Variants in TAFA5 observed in about 807,000 individuals in gnomAD.
The protein encoded by TAFA5 is TAFA chemokine like family member 5.
In TAFA5, 6 loss-of-function variants were observed where a neutral mutation model predicts 15.3. That is an observed-to-expected ratio of 0.39 (90% CI 0.21 to 0.77). The LOEUF is 0.77. TAFA5 is among the 30% of genes least tolerant of loss of function. The pLI, the probability that TAFA5 is intolerant of heterozygous loss-of-function variation, is 0.41. For synonymous variants in TAFA5, 103 were observed against 80.7 expected, an observed-to-expected ratio of 1.28 and a Z score of -1.48; for missense variants, 161 against 193.1, an observed-to-expected ratio of 0.83 and a Z score of 0.98.
Position 48,707,605 on chromosome 22 carries a change from C to T in TAFA5, c.263-112C>T, listed in dbSNP as rs543040513. On this transcript the variant is annotated intron_variant, in intron 2 of 3. Transcript: ENST00000402357. ...TGAGGGTCCCTGGGTGGAGCCACGCCGGGCATTGCCTGAGGGCCCCCCCAG... is the reference window on the plus strand; with the variant it reads ...TGAGGGTCCCTGGGTGGAGCCACGCTGGGCATTGCCTGAGGGCCCCCCCAG... The T allele has an allele frequency of 1.5e-5, 20 of 1,326,836 alleles. No homozygotes were observed. In the East Asian group the frequency reaches 2.7e-4, roughly 18 times the overall value. 82.2% of individuals were successfully genotyped at this position (1,326,836 alleles called of 1,614,324 possible). A position where few individuals can be genotyped will look rare whatever the true frequency, so the allele number is the denominator to read the frequency against.
intron 1 of TAFA5, among the ~76,000 whole-genome samples, chr22:48,555,275 G>A (rs531844611): frequency 8.9e-4 from 135 of 152,314 alleles, no homozygotes; most frequent in South Asian, 4.8e-3. Context: ...CTTCCTAAGC[G>A]GCACGACCGG....
chr22:48,545,433 T>C (rs937964321), intron 1 of TAFA5: 2 of 182,156 alleles, frequency 1.1e-5, no homozygotes, highest in Admixed American at 5.3e-5. Flanking sequence ...TATCTCCTAA[T>C]GCCTAGTGGA....
intron 2 of TAFA5, among the ~76,000 whole-genome samples, chr22:48,692,129 G>A (rs1185250304): frequency 2.6e-5 from 4 of 152,102 alleles, no homozygotes; most frequent in South Asian, 4.1e-4. Context: ...GGAAGACACC[G>A]AGACCTGAGC....
intron 1 of TAFA5, among the ~76,000 whole-genome samples, chr22:48,507,769 G>A (rs71314861): frequency 6.6e-6 from 1 of 152,152 alleles, no homozygotes; most frequent in South Asian, 2.1e-4. Flanking sequence ...TGTGAGGGTG[G>A]CCGTGTGAGG....
chr22:48,524,593 G>A (rs532665973), intron 1 of TAFA5, among the ~76,000 whole-genome samples: 20 of 152,304 alleles, frequency 1.3e-4, no homozygotes, highest in Admixed American at 3.9e-4. Context: ...TGGAGCCTCC[G>A]TCCACAGCCC....
At chr22:48,577,204 A>T (rs1048665468) in intron 1 of TAFA5, among the ~76,000 whole-genome samples, 3 of 152,224 alleles carry the variant, frequency 2.0e-5, no homozygotes, top group African/African-American at 7.2e-5. Flanking sequence ...TGAGGCGCCC[A>T]GGATAACGGT....
At chr22:48,666,074 G>A (rs1002817497) in intron 2 of TAFA5, among the ~76,000 whole-genome samples, 1 of 152,194 alleles carries the variant, frequency 6.6e-6, no homozygotes, top group African/African-American at 2.4e-5. Flanking sequence ...TCTTTCTAAT[G>A]GCCTGACTGG....
At chr22:48,506,723 C>T (rs1043190984) in intron 1 of TAFA5, among the ~76,000 whole-genome samples, 3 of 152,212 alleles carry the variant, frequency 2.0e-5, no homozygotes, top group Admixed American at 6.5e-5. Flanking sequence ...GGGCACACGG[C>T]AAATGGACCA....
At chr22:48,540,703 A>T (rs1922337581) in intron 1 of TAFA5, among the ~76,000 whole-genome samples, 3 of 151,398 alleles carry the variant, frequency 2.0e-5, no homozygotes, top group African/African-American at 7.3e-5. Context: ...TAATCTTATA[A>T]TTTGCCAATT....
intron 3 of TAFA5, among the ~76,000 whole-genome samples, chr22:48,723,366 G>C (rs1388482946): frequency 1.3e-5 from 2 of 152,138 alleles, no homozygotes; most frequent in Non-Finnish European, 2.9e-5. Flanking sequence ...TTAAACCCAA[G>C]ATATGGCGGG....
chr22:48,581,461 C>T (rs533463822), intron 1 of TAFA5, among the ~76,000 whole-genome samples: 19 of 152,198 alleles, frequency 1.2e-4, no homozygotes, highest in South Asian at 2.1e-4. Context: ...GCGAGAAAGC[C>T]GTGCGGAGAA....
rs1394616519 is a variant in TAFA5, at chr22:48,674,161, G to A, written c.262+27415G>A. 3.3e-5 allele frequency among the ~76,000 whole-genome samples: 5 copies of A among 152,316 alleles called. No homozygotes were observed. In the East Asian group the frequency reaches 9.7e-4, roughly 29 times the overall value. ...CTTCCTCCTGCTTGGGCCGGGCGGT[G>A]CAGATGTAGGTCCCGGTTTCATCTT... On this transcript the variant is annotated intron_variant, in intron 2 of 3. Coordinates refer to ENST00000402357, the MANE Select transcript of TAFA5 (RefSeq NM_001082967.3).
intron 1 of TAFA5, among the ~76,000 whole-genome samples, chr22:48,562,785 C>A (rs1569026735): frequency 6.6e-6 from 1 of 152,174 alleles, no homozygotes; most frequent in East Asian, 1.9e-4. Flanking sequence ...GAGCCCCTGA[C>A]ACGGCTTCTC....
At chr22:48,514,902 C>A (rs1451071004) in intron 1 of TAFA5, among the ~76,000 whole-genome samples, 1 of 152,238 alleles carries the variant, frequency 6.6e-6, no homozygotes, top group Non-Finnish European at 1.5e-5. Flanking sequence ...ATCTCCAAAC[C>A]ATACAGGGTA....
intron 1 of TAFA5, among the ~76,000 whole-genome samples, chr22:48,624,875 G>A (rs192265503): frequency 1.6e-4 from 25 of 152,248 alleles, no homozygotes; most frequent in Admixed American, 1.4e-3. Flanking sequence ...AGAGGTGGGC[G>A]GATCACCTGA....
At chr22:48,633,439 A>AG (rs1388389169) in intron 1 of TAFA5, among the ~76,000 whole-genome samples, 1 of 151,874 alleles carries the variant, frequency 6.6e-6, no homozygotes, top group Non-Finnish European at 1.5e-5. Context: ...ACCCACGTGC[A>AG]GGGGCTCTTC....
Position 48,518,845 on chromosome 22 carries a change from G to A in TAFA5, c.112+29141G>A, listed in dbSNP as rs1301199319. Among the ~76,000 whole-genome samples the A allele has an allele frequency of 5.3e-5, 8 of 152,196 alleles. 1 individual carries two copies. The South Asian group carries it at 1.2e-3, about 24-fold the overall frequency. On this transcript the variant is annotated intron_variant, in intron 1 of 3. Coordinates refer to ENST00000402357, the MANE Select transcript of TAFA5 (RefSeq NM_001082967.3). ...TCCTGAAGACACTTTACACCCATGTGGAAAAGGAGAACGGTACTTTTCACT... is the reference window on the plus strand; with the variant it reads ...TCCTGAAGACACTTTACACCCATGTAGAAAAGGAGAACGGTACTTTTCACT...
intron 1 of TAFA5, among the ~76,000 whole-genome samples, chr22:48,638,750 A>C (rs71314868): frequency 1.0e-5 from 1 of 95,818 alleles, no homozygotes; most frequent in Non-Finnish European, 1.9e-5. Flanking sequence ...CTGGGACACC[A>C]CACACAGGCG....
rs111473424 is a variant in TAFA5, at chr22:48,611,962, G to A, written c.113-34635G>A. 8.6e-3 allele frequency among the ~76,000 whole-genome samples: 1,303 copies of A among 152,278 alleles called. 17 individuals carry two copies. The highest frequency in any genetic ancestry group is 0.028 in the African/African-American group (1,151 of 41,534). ...AGCTCTGCTGGAATCCTGGGTCCCT[G>A]TTTACTGCTGTATGCCTCTCTGAGC... On this transcript the variant is annotated intron_variant, in intron 1 of 3. Coordinates refer to ENST00000402357, the MANE Select transcript of TAFA5 (RefSeq NM_001082967.3).
Sources: gnomAD v4.1 joint callset for allele counts (sites outside exome capture counted in the v4.1 genomes callset) on GRCh38, gnomAD v4.1.1 for gene constraint, MANE v1.5 for transcripts, NCBI Gene and HGNC (gene_info 2026-07-23, HGNC 2026-07-21) for gene names.